Variants in DIPK2B observed in about 807,000 individuals in gnomAD.
DIPK2B encodes divergent protein kinase domain 2B, also known as UPF0672 protein CXorf36.
In DIPK2B, 15 loss-of-function variants were observed where a neutral mutation model predicts 22.2. That is an observed-to-expected ratio of 0.68 (90% CI 0.45 to 1.04). DIPK2B has a LOEUF of 1.04. Ranked by LOEUF, DIPK2B falls within the 50% of genes least tolerant of loss-of-function variation. The probability of loss-of-function intolerance (pLI) is 0.00; values close to 1 mark genes in which losing one functional copy is unlikely to be tolerated. For synonymous variants in DIPK2B, 163 were observed against 153.2 expected, an observed-to-expected ratio of 1.06 and a Z score of -0.47; for missense variants, 345 against 348.3, an observed-to-expected ratio of 0.99 and a Z score of 0.08.
chrX:45,199,038 C>A (rs750690646), intron 1 of DIPK2B, among the ~76,000 whole-genome samples: 1 of 111,633 alleles, frequency 9.0e-6, no homozygotes, highest in Non-Finnish European at 1.9e-5. Context: ...CCCTCCCCAG[C>A]CTAACACTCT....
rs780132697 is a variant in DIPK2B at position 45,151,375 on chromosome X, A to G, written c.*277T>C. The G allele has an allele frequency of 2.2e-5, 8 of 363,771 alleles. No individual in the cohort carries two copies. Among genetic ancestry groups the G allele is most frequent in the Non-Finnish European group, 2.8e-5 (6 of 210,840 alleles). The allele number at this position is 363,771 out of a possible 1,213,427, so 30.0% of individuals were successfully genotyped here. A position where few individuals can be genotyped will look rare whatever the true frequency, so the allele number is the denominator to read the frequency against. Reference sequence around the variant, plus strand: ...ATCTGTGTCTTCTTTCACCCTCAGGAGAGTCTGGTGGAGAACAGAGGAAAC... The same window carrying G: ...ATCTGTGTCTTCTTTCACCCTCAGGGGAGTCTGGTGGAGAACAGAGGAAAC... On this transcript the variant is annotated 3_prime_UTR_variant, in exon 5 of 5. Transcript: ENST00000398000.
In DIPK2B at chrX:45,174,076, G is replaced by A. The variant is rs1251803795; in HGVS notation, c.499-16188C>T. Among the ~76,000 whole-genome samples, 8 of 111,439 alleles carry A rather than the reference G, an allele frequency of 7.2e-5. No individual in the cohort carries two copies. In the South Asian group the frequency reaches 1.5e-3, roughly 21 times the overall value. On this transcript the variant is annotated intron_variant, in intron 2 of 4. Coordinates refer to ENST00000398000, the MANE Select transcript of DIPK2B (RefSeq NM_176819.4). ...CACAGAGGCCCTAGAGAGAGAGGCC[G>A]CAAAGCCCGGAAAGGCCTGAGCTGA...
chrX:45,175,868 G>A (rs182483625), intron 2 of DIPK2B, among the ~76,000 whole-genome samples: 2 of 107,363 alleles, frequency 1.9e-5, no homozygotes, highest in Admixed American at 2.0e-4. Flanking sequence ...AGGTGGCCAG[G>A]TTAAGCATGC....
intron 2 of DIPK2B, among the ~76,000 whole-genome samples, chrX:45,182,217 C>T (rs996904558): frequency 2.7e-5 from 3 of 111,194 alleles, no homozygotes; most frequent in Admixed American, 9.6e-5. Flanking sequence ...ATAAGAAAGA[C>T]AATCCAGTAA....
intron 2 of DIPK2B, among the ~76,000 whole-genome samples, chrX:45,191,075 G>A (rs2047208579): frequency 8.9e-6 from 1 of 112,302 alleles, no homozygotes; most frequent in South Asian, 3.7e-4. Flanking sequence ...TGTGTGGAGG[G>A]CCATGGCTGT....
At chrX:45,165,320 A>T (rs763156096) in intron 2 of DIPK2B, among the ~76,000 whole-genome samples, 397 of 111,724 alleles carry the variant, frequency 3.6e-3, no homozygotes, top group Non-Finnish European at 6.0e-3. Flanking sequence ...TAAAAAGGGG[A>T]TGTGCACACT....
At position 45,151,617 on chromosome X, in the gene DIPK2B, C is replaced by T. The variant is rs762698938; in HGVS notation, c.*35G>A. 2.7e-5 allele frequency: 31 copies of T among 1,159,174 alleles called. No homozygotes were observed. The East Asian group carries it at 8.7e-4, about 32-fold the overall frequency. On this transcript the variant is annotated 3_prime_UTR_variant, in exon 5 of 5. Transcript: ENST00000398000. ...CCGACTGGGAGAATGGAGAGCCAAG[C>T]GTGTTGTCCCCAAGGCCAGCTAGAC...
At position 45,151,246 on chromosome X, in the gene DIPK2B, C is replaced by T. The variant is rs1317896149; in HGVS notation, c.*406G>A. On this transcript the variant is annotated 3_prime_UTR_variant, in exon 5 of 5. Transcript: ENST00000398000. ...CTGAGCAGCTCTTTCTCATGCTCCC[C>T]GCCTCTGTGCTTTTCCAGAACACAC... 2.2e-5 allele frequency: 3 copies of T among 136,805 alleles called. No individual in the cohort carries two copies. The highest frequency in any genetic ancestry group is 2.6e-4 in the South Asian group (1 of 3,834). The allele number at this position is 136,805 out of a possible 1,213,427, so 11.3% of individuals were successfully genotyped here.
chrX:45,178,701 GC>G (rs762754284), intron 2 of DIPK2B, among the ~76,000 whole-genome samples: 1 of 111,633 alleles, frequency 9.0e-6, no homozygotes, highest in African/African-American at 3.3e-5. Context: ...CAAAGAAGGA[GC>G]CCCCATAACT....
At chrX:45,163,543 C>G in intron 2 of DIPK2B, 1 of 754,328 alleles carries the variant, frequency 1.3e-6, no homozygotes, top group East Asian at 1.5e-4. Context: ...CATCCATACC[C>G]CCGAGTGTTT....
chrX:45,187,423 G>A (rs972179159), intron 2 of DIPK2B, among the ~76,000 whole-genome samples: 1 of 109,829 alleles, frequency 9.1e-6, no homozygotes, highest in Non-Finnish European at 1.9e-5. Flanking sequence ...GAAAAGTCAC[G>A]ATGTTATTAG....
At chrX:45,170,254 A>G (rs2047073516) in intron 2 of DIPK2B, among the ~76,000 whole-genome samples, 1 of 107,995 alleles carries the variant, frequency 9.3e-6, no homozygotes, top group Non-Finnish European at 1.9e-5. Flanking sequence ...AAAAAAAAAA[A>G]AAAAAAAAAA....
chrX:45,166,369 A>G (rs895932426), intron 2 of DIPK2B, among the ~76,000 whole-genome samples: 6 of 111,049 alleles, frequency 5.4e-5, no homozygotes, highest in African/African-American at 1.6e-4. Context: ...CAGGAGAGCC[A>G]GGCAGCCCAC....
chrX:45,171,574 C>T (rs1379130787), intron 2 of DIPK2B, among the ~76,000 whole-genome samples: 1 of 110,899 alleles, frequency 9.0e-6, no homozygotes, highest in Non-Finnish European at 1.9e-5. Context: ...AATGGAGGGC[C>T]GTGACACTTG....
intron 4 of DIPK2B, among the ~76,000 whole-genome samples, 200 bp from the exon 5 acceptor site, chrX:45,152,192 T>C (rs753478932): frequency 3.6e-5 from 4 of 111,097 alleles, no homozygotes; most frequent in Non-Finnish European, 3.8e-5. Context: ...ACCCCGTCTC[T>C]ACTAAAAATA....
intron 3 of DIPK2B, 116 bp downstream of exon 3, chrX:45,157,599 C>A: frequency 5.1e-6 from 4 of 779,709 alleles, no homozygotes; most frequent in Non-Finnish European, 7.3e-6. Flanking sequence ...AAGGTCCTAA[C>A]ACGGGCTAGT....
chrX:45,199,108 C>T (rs183462691), intron 1 of DIPK2B, among the ~76,000 whole-genome samples: 5 of 112,154 alleles, frequency 4.5e-5, no homozygotes, highest in East Asian at 2.8e-4. Flanking sequence ...CCTTTAAAAA[C>T]GCTTAATATG....
rs2047263616 is a variant in DIPK2B, at chrX:45,200,791, G to A, written c.36C>T (p.Leu12=). Residue 12 remains leucine, a synonymous_variant, in exon 1 of 5, where the codon CTC becomes CTT. Coordinates refer to ENST00000398000, the MANE Select transcript of DIPK2B (RefSeq NM_176819.4). ...EPQLGPEAAA[L]RPGWLALLLW... is the part of the protein sequence containing the mutation. ...GCAGCAGGGCCAGCCAGCCAGGGCG[G>A]AGGGCGGCAGCCTCAGGCCCCAGCT... 8.3e-7 allele frequency: 1 copy of A among 1,199,595 alleles called. No individual in the cohort carries two copies. The highest frequency in any genetic ancestry group is 1.7e-5 in the African/African-American group (1 of 57,249).
intron 1 of DIPK2B, among the ~76,000 whole-genome samples, chrX:45,197,838 A>G (rs1317558107): frequency 1.8e-5 from 2 of 112,030 alleles, no homozygotes; most frequent in East Asian, 5.6e-4. Flanking sequence ...GGAGTTTGTC[A>G]TAAGGAATTC....
Sources: gnomAD v4.1 joint callset for allele counts (sites outside exome capture counted in the v4.1 genomes callset) on GRCh38, gnomAD v4.1.1 for gene constraint, MANE v1.5 for transcripts, NCBI Gene and HGNC (gene_info 2026-07-23, HGNC 2026-07-21) for gene names.